Variants in ANK2 observed in about 807,000 individuals in gnomAD.
The protein encoded by ANK2 is ankyrin-2.
In ANK2, 83 loss-of-function variants were observed where a neutral mutation model predicts 360.5. The ratio of observed to expected loss-of-function variants is 0.23; its 90% CI spans 0.19 to 0.28. The LOEUF (loss-of-function observed/expected upper bound fraction) is 0.28, where lower values mean the gene tolerates loss of function less well. ANK2 is among the 10% of genes least tolerant of loss of function. The pLI is 1.00. For synonymous variants in ANK2, 1,740 were observed against 1,759.5 expected, an observed-to-expected ratio of 0.99 and a Z score of 0.28; for missense variants, 4,201 against 4,795.7, an observed-to-expected ratio of 0.88 and a Z score of 3.66.
At chr4:112,948,998 C>A (rs1369024844) in intron 2 of ANK2, among the ~76,000 whole-genome samples, 1 of 152,072 alleles carries the variant, frequency 6.6e-6, no homozygotes, top group African/African-American at 2.4e-5. Context: ...TGAAGATCTC[C>A]CCTGGGATTT....
the ANK2 span, among the ~76,000 whole-genome samples, chr4:112,724,674 G>A: frequency 5.3e-5 from 8 of 151,798 alleles, no homozygotes; most frequent in African/African-American, 1.9e-4. Context: ...GAAAGGACAT[G>A]GAGAAACTGG....
chr4:112,898,677 A>G (rs2082408860), intron 1 of ANK2, among the ~76,000 whole-genome samples: 1 of 152,222 alleles, frequency 6.6e-6, no homozygotes, highest in African/African-American at 2.4e-5. Flanking sequence ...ATTAATTTAA[A>G]ATTAACTTGA....
chr4:113,021,549 T>C (rs373482528), intron 2 of ANK2, among the ~76,000 whole-genome samples: 6,293 of 31,944 alleles, frequency 0.2, 681 homozygotes, highest in African/African-American at 0.34. Context: ...AACATATATA[T>C]ATATATATAT....
chr4:113,084,616 G>GT (rs1268010958), intron 1 of ANK2, among the ~76,000 whole-genome samples: 1 of 152,060 alleles, frequency 6.6e-6, no homozygotes, highest in Non-Finnish European at 1.5e-5. Context: ...GTAAAAAATA[G>GT]TTTTTCCCAA....
chr4:112,948,863 G>A (rs1366090596), intron 2 of ANK2, among the ~76,000 whole-genome samples: 1 of 152,194 alleles, frequency 6.6e-6, no homozygotes, highest in Non-Finnish European at 1.5e-5. Context: ...AATGAGGCTA[G>A]TGAGTAGAGA....
intron 34 of ANK2, among the ~76,000 whole-genome samples, chr4:113,344,518 T>C (rs1337368175): frequency 6.6e-6 from 1 of 152,144 alleles, no homozygotes; most frequent in African/African-American, 2.4e-5. Flanking sequence ...AAAATTAGTA[T>C]ATGATTCAGC....
chr4:113,077,086 C>G (rs1271871743), intron 1 of ANK2, among the ~76,000 whole-genome samples: 2 of 151,994 alleles, frequency 1.3e-5, no homozygotes, highest in African/African-American at 4.8e-5. Context: ...ATCATTGCAA[C>G]TTTATTTATC....
intron 1 of ANK2, among the ~76,000 whole-genome samples, chr4:113,135,225 A>T (rs1175730318): frequency 2.0e-5 from 3 of 152,224 alleles, no homozygotes; most frequent in Admixed American, 2.0e-4. Flanking sequence ...TGTTAGAAGT[A>T]AAGATACCTA....
At chr4:112,914,889 G>A (rs146866357) in intron 2 of ANK2, among the ~76,000 whole-genome samples, 7 of 152,244 alleles carry the variant, frequency 4.6e-5, no homozygotes, top group Non-Finnish European at 1.0e-4. Context: ...AGTCTGTTGG[G>A]GATACCTGAA....
intron 18 of ANK2, among the ~76,000 whole-genome samples, chr4:113,285,049 C>T (rs1287661836): frequency 3.9e-5 from 6 of 152,182 alleles, no homozygotes; most frequent in African/African-American, 1.2e-4. Context: ...AAAAAAGATC[C>T]GTCGTTGGGT....
intron 1 of ANK2, among the ~76,000 whole-genome samples, chr4:113,137,088 C>T (rs976147045): frequency 1.3e-5 from 2 of 152,108 alleles, no homozygotes; most frequent in African/African-American, 4.8e-5. Context: ...CCCACCTTGG[C>T]CCCCCAAAGT....
At chr4:113,119,638 G>A (rs2095205187) in intron 1 of ANK2, among the ~76,000 whole-genome samples, 1 of 152,132 alleles carries the variant, frequency 6.6e-6, no homozygotes, top group Non-Finnish European at 1.5e-5. Context: ...GAAAGCATCA[G>A]TTGTAGAGAT....
At chr4:112,874,280 A>C (rs1028863296) in intron 1 of ANK2, among the ~76,000 whole-genome samples, 2 of 147,768 alleles carry the variant, frequency 1.4e-5, no homozygotes, top group Non-Finnish European at 3.0e-5. Flanking sequence ...ACGGGGTTTC[A>C]CCATGTTGGT....
intron 1 of ANK2, among the ~76,000 whole-genome samples, chr4:113,128,710 G>A (rs1582442194): frequency 6.6e-6 from 1 of 152,062 alleles, no homozygotes; most frequent in African/African-American, 2.4e-5. Flanking sequence ...AGGCTGGTCT[G>A]GAACTCCTGA....
chr4:113,086,286 CA>C (rs2084715565), intron 1 of ANK2, among the ~76,000 whole-genome samples: 1 of 152,178 alleles, frequency 6.6e-6, no homozygotes, highest in South Asian at 2.1e-4. Context: ...GTTTTTTGTA[CA>C]ATGAAACTCT....
chr4:112,934,326 AGGTT>A (rs1312671518), intron 2 of ANK2, among the ~76,000 whole-genome samples: 1 of 152,176 alleles, frequency 6.6e-6, no homozygotes, highest in Non-Finnish European at 1.5e-5. Flanking sequence ...TTTGACCTCG[AGGTT>A]GGATCCAGCT....
chr4:113,205,621 C>A (rs1046415835), intron 4 of ANK2, among the ~76,000 whole-genome samples: 3 of 152,172 alleles, frequency 2.0e-5, no homozygotes, highest in Non-Finnish European at 4.4e-5. Context: ...TTTCTACAGA[C>A]CACGACTATT....
At chr4:113,093,325 A>G (rs2089473831) in intron 1 of ANK2, among the ~76,000 whole-genome samples, 1 of 152,114 alleles carries the variant, frequency 6.6e-6, no homozygotes, top group Non-Finnish European at 1.5e-5. Flanking sequence ...CATTATTTAT[A>G]TAAGAAGTAG....
rs1387202312 is a variant in ANK2 at position 113,354,576 on chromosome 4, A to G, written c.5958A>G (p.Glu1986=). The G allele has an allele frequency of 3.1e-6, 5 of 1,614,100 alleles. No individual in the cohort carries two copies. The Admixed American group carries it at 8.3e-5, about 27-fold the overall frequency. The change falls in exon 38 of 46, where the codon GAA becomes GAG. Residue 1986 remains glutamate (E), a synonymous_variant. Coordinates refer to ENST00000357077, the MANE Select transcript of ANK2 (RefSeq NM_001148.6). The stretch of plus-strand genomic sequence containing the variant: ...CTTCAAAAACAGAGAGGATTGAGGA[A>G]ACCATGTCTGTTCGGGAGCTGATGA... The part of the protein sequence containing the change: ...SPTSKTERIE[E]TMSVRELMKA...
Sources: allele counts gnomAD v4.1 joint callset (sites outside exome capture counted in the v4.1 genomes callset), GRCh38; gene constraint gnomAD v4.1.1; transcripts MANE v1.5; gene names NCBI Gene and HGNC (gene_info 2026-07-23, HGNC 2026-07-21).